MIB1: variants seen among roughly 807,000 people sequenced by gnomAD.
The protein encoded by MIB1 is MIB E3 ubiquitin protein ligase 1.
In MIB1, 278 loss-of-function variants were observed where a neutral mutation model predicts 124.5. The observed-to-expected ratio is 2.23, with a 90% CI of 2.02 to 2.47. MIB1 has a LOEUF of 2.47. Ranked by LOEUF, MIB1 falls within the 30% of genes most tolerant of loss-of-function variation. The probability of loss-of-function intolerance (pLI) is 0.00; values close to 1 mark genes in which losing one functional copy is unlikely to be tolerated. For synonymous variants in MIB1, 446 were observed against 429.4 expected (o/e 1.04, Z -0.48); for missense variants, 957 against 1,254.4 (o/e 0.76, Z 3.58).
rs530823304 is a variant in MIB1, at chr18:21,838,237, G to T, written c.1830-128G>T. The T allele has an allele frequency of 2.7e-5, 16 of 595,034 alleles. No homozygotes were observed. The African/African-American group carries it at 3.1e-4, about 11-fold the overall frequency. The allele number at this position is 595,034 out of a possible 1,614,324, so 36.9% of individuals were successfully genotyped here. A position where few individuals can be genotyped will look rare whatever the true frequency, so the allele number is the denominator to read the frequency against. On this transcript the variant is annotated intron_variant, in intron 12 of 20. Transcript: ENST00000261537. ...AAGCTGCACATTTGAGATTAGAAAA[G>T]TAGAATTTCTATTTGTCTCTAAGAG... is the stretch of plus-strand genomic sequence containing the variant.
chr18:21,773,477 A>T, intron 3 of MIB1, 147 bp from the exon 4 acceptor site: 3 of 592,034 alleles, frequency 5.1e-6, no homozygotes, highest in Non-Finnish European at 5.8e-6. Context: ...GTTAGCAGTG[A>T]CATATTTGGC....
intron 1 of MIB1, among the ~76,000 whole-genome samples, chr18:21,758,352 G>A (rs145080403): frequency 5.9e-5 from 9 of 152,104 alleles, no homozygotes; most frequent in Admixed American, 5.9e-4. Context: ...ATATTTTGAT[G>A]GTTCAGGGAA....
chr18:21,733,639 C>T (rs1030220501), intron 1 of MIB1, among the ~76,000 whole-genome samples: 4 of 152,224 alleles, frequency 2.6e-5, no homozygotes, highest in African/African-American at 4.8e-5. Flanking sequence ...TAATTTTTCT[C>T]TTTACAAATT....
intron 12 of MIB1, chr18:21,831,144 C>T (rs923472641): frequency 6.6e-6 from 1 of 151,010 alleles, no homozygotes; most frequent in Non-Finnish European, 1.5e-5. Context: ...CAAAACACAC[C>T]TTACTCCCCC....
At chr18:21,726,721 A>G (rs1013737035) in intron 1 of MIB1, among the ~76,000 whole-genome samples, 41 of 152,210 alleles carry the variant, frequency 2.7e-4, no homozygotes, top group African/African-American at 9.9e-4. Flanking sequence ...GAGATGATGC[A>G]TTAGTCCCTG....
chr18:21,719,263 GA>G (rs1356945151), intron 1 of MIB1, among the ~76,000 whole-genome samples: 1 of 151,992 alleles, frequency 6.6e-6, no homozygotes, highest in African/African-American at 2.4e-5. Context: ...TTGAGCCCAG[GA>G]GGTTGAGGCT....
At chr18:21,846,250 TG>T (rs1362282700) in intron 15 of MIB1, among the ~76,000 whole-genome samples, 2 of 152,198 alleles carry the variant, frequency 1.3e-5, no homozygotes. Flanking sequence ...TTTATGACCA[TG>T]GGTAAGTTCT....
Position 21,798,205 on chromosome 18 carries a change from C to G in MIB1, c.1214C>G (p.Ser405Ter), listed in dbSNP as rs1159639197. Residue 405 changes from serine (S) to a stop codon, truncating the protein, a stop_gained, in exon 8 of 21, where the codon TCA (serine) becomes TGA (stop). Transcript: ENST00000261537. LOFTEE classifies it high-confidence loss of function. Reference protein sequence around the residue: ...AAVSKVASAGSAISNASGERL... With the variant: ...AAVSKVASAG ...GTTTCCAAGGTGGCATCTGCAGGATCAGCCATTAGCAATGCATCTGGTGGT... is the reference window on the plus strand; with the variant it reads ...GTTTCCAAGGTGGCATCTGCAGGATGAGCCATTAGCAATGCATCTGGTGGT... The G allele has an allele frequency of 1.2e-6, 2 of 1,613,006 alleles. No individual in the cohort carries two copies. The highest frequency in any genetic ancestry group is 1.7e-6 in the Non-Finnish European group (2 of 1,179,340).
intron 1 of MIB1, among the ~76,000 whole-genome samples, chr18:21,758,924 G>GT (rs921061166): frequency 1.2e-4 from 18 of 152,196 alleles, no homozygotes; most frequent in Admixed American, 9.2e-4. Context: ...TAGAAGGACT[G>GT]TTTCTTTTTT....
At chr18:21,791,901 C>G (rs2041509035) in intron 7 of MIB1, among the ~76,000 whole-genome samples, 1 of 152,184 alleles carries the variant, frequency 6.6e-6, no homozygotes, top group African/African-American at 2.4e-5. Context: ...GTGCAGCTTT[C>G]CTGATGTGGG....
chr18:21,710,617 G>A (rs1231874421), intron 1 of MIB1, among the ~76,000 whole-genome samples: 1 of 151,928 alleles, frequency 6.6e-6, no homozygotes, highest in Non-Finnish European at 1.5e-5. Context: ...AGGTGTGGTA[G>A]TGCATGCCTG....
At chr18:21,846,479 C>T (rs894254530) in intron 15 of MIB1, among the ~76,000 whole-genome samples, 6 of 152,108 alleles carry the variant, frequency 3.9e-5, no homozygotes, top group South Asian at 2.1e-4. Context: ...TCTCATTCTC[C>T]GTATCTTGGC....
chr18:21,808,652 A>G (rs1242151838), intron 10 of MIB1, among the ~76,000 whole-genome samples: 1 of 152,204 alleles, frequency 6.6e-6, no homozygotes. Context: ...GATTGTCTCC[A>G]TATATTGACC....
chr18:21,818,482 C>CTTCTT (rs998142356), intron 11 of MIB1, among the ~76,000 whole-genome samples: 2 of 152,126 alleles, frequency 1.3e-5, no homozygotes, highest in African/African-American at 2.4e-5. Flanking sequence ...TTTGAGGCTA[C>CTTCTT]TTCTTTTCTT....
At chr18:21,775,892 T>C (rs2041279369) in intron 4 of MIB1, among the ~76,000 whole-genome samples, 1 of 152,212 alleles carries the variant, frequency 6.6e-6, no homozygotes, top group South Asian at 2.1e-4. Flanking sequence ...CATCCTTGTG[T>C]ATATGCCTTT....
chr18:21,842,091 CAAA>C (rs376834305), intron 13 of MIB1, among the ~76,000 whole-genome samples: 6 of 35,686 alleles, frequency 1.7e-4, no homozygotes, highest in East Asian at 2.4e-3. Context: ...GACCCTATCT[CAAA>C]AAAAAAAAAA....
chr18:21,769,331 A>G (rs2041199782), intron 3 of MIB1, among the ~76,000 whole-genome samples: 1 of 152,182 alleles, frequency 6.6e-6, no homozygotes, highest in African/African-American at 2.4e-5. Flanking sequence ...ACATAGTCCA[A>G]ATAAGCCAAG....
chr18:21,730,887 T>C (rs2040766244), intron 1 of MIB1, among the ~76,000 whole-genome samples: 1 of 152,222 alleles, frequency 6.6e-6, no homozygotes, highest in African/African-American at 2.4e-5. Flanking sequence ...TACTTCTCTC[T>C]CTTGTTCTTT....
intron 10 of MIB1, among the ~76,000 whole-genome samples, chr18:21,813,023 A>G (rs1376458407): frequency 6.6e-6 from 1 of 152,176 alleles, no homozygotes; most frequent in Non-Finnish European, 1.5e-5. Context: ...TGTATTTTCC[A>G]TAATTTAAAA....
Sources: allele counts gnomAD v4.1 joint callset (sites outside exome capture counted in the v4.1 genomes callset), GRCh38; gene constraint gnomAD v4.1.1; transcripts MANE v1.5; gene names NCBI Gene and HGNC (gene_info 2026-07-23, HGNC 2026-07-21).